The following AFF2 variants were observed in gnomAD, a reference collection of about 807,000 sequenced individuals.
The protein encoded by AFF2 is ALF transcription elongation factor 2.
Under a neutral mutation model 76.9 loss-of-function variants are expected in AFF2, and 14 were observed. The ratio of observed to expected loss-of-function variants is 0.18; its 90% CI spans 0.12 to 0.28. The LOEUF is 0.28. AFF2 is among the 10% of genes least tolerant of loss of function. The probability of loss-of-function intolerance (pLI) is 1.00; values close to 1 mark genes in which losing one functional copy is unlikely to be tolerated. For synonymous variants in AFF2, 398 were observed against 366.7 expected (o/e 1.09, Z -0.98); for missense variants, 868 against 1,001.1 (o/e 0.87, Z 1.79).
intron 3 of AFF2, among the ~76,000 whole-genome samples, chrX:148,697,871 T>G (rs2054739445): frequency 8.9e-6 from 1 of 112,211 alleles, no homozygotes; most frequent in Non-Finnish European, 1.9e-5. Flanking sequence ...ATAAATGATA[T>G]GACTATAGCT....
chrX:148,577,582 G>A (rs983886434), intron 1 of AFF2, among the ~76,000 whole-genome samples: 2 of 111,859 alleles, frequency 1.8e-5, no homozygotes, highest in Non-Finnish European at 3.8e-5. Flanking sequence ...GGGAAGCAAA[G>A]ATTTCTTTTT....
At position 148,500,631 on chromosome X, in the gene AFF2, A is replaced by AGCCGCCGCCGCC. The variant is rs1167407264; in HGVS notation, c.-462_-461insCGCCGCCGCCGC. On this transcript the variant is annotated 5_prime_UTR_variant, in exon 1 of 21. Coordinates refer to ENST00000370460, the MANE Select transcript of AFF2 (RefSeq NM_002025.4). ...CCGCGGCCGCCGCCGCCGCCTGTGCAGCCGCTGCCGCCGCCGCCGCCGCCG... is the reference window on the plus strand; with the variant it reads ...CCGCGGCCGCCGCCGCCGCCTGTGCAGCCGCCGCCGCCGCCGCTGCCGCCGCCGCCGCCGCCG... 27 of 62,504 alleles carry AGCCGCCGCCGCC rather than the reference A, an allele frequency of 4.3e-4. No homozygotes were observed. Among genetic ancestry groups the AGCCGCCGCCGCC allele is most frequent in the Admixed American group, 2.6e-3 (13 of 4,938 alleles). The allele number at this position is 62,504 out of a possible 1,213,427, so 5.2% of individuals were successfully genotyped here.
intron 6 of AFF2, 71 bp from the exon 7 acceptor site, chrX:148,843,311 T>C: frequency 1.1e-6 from 1 of 933,821 alleles, no homozygotes; most frequent in East Asian, 3.1e-5. Flanking sequence ...TGTTTGGAGA[T>C]CAATTTAATT....
In AFF2 at chrX:148,590,223, T is replaced by C. The variant is rs368902774; in HGVS notation, c.48-61776T>C. Reference sequence around the variant, plus strand: ...TGGCTCTCTGAGGAGCTGACAGCCATTGGCTGTTAGAAAAAACAAAATATG... The same window carrying C: ...TGGCTCTCTGAGGAGCTGACAGCCACTGGCTGTTAGAAAAAACAAAATATG... On this transcript the variant is annotated intron_variant, in intron 1 of 20. Coordinates refer to ENST00000370460, the MANE Select transcript of AFF2 (RefSeq NM_002025.4). 4.6e-5 allele frequency among the ~76,000 whole-genome samples: 5 copies of C among 109,273 alleles called. No individual in the cohort carries two copies. In the East Asian group the frequency reaches 8.7e-4, roughly 19 times the overall value. The allele number at this position is 109,273 out of a possible 115,157, so 94.9% of individuals were successfully genotyped here.
intron 9 of AFF2, among the ~76,000 whole-genome samples, chrX:148,924,216 A>C (rs1050529510): frequency 6.2e-5 from 7 of 112,285 alleles, no homozygotes; most frequent in Non-Finnish European, 1.1e-4. Context: ...CCTTTTTACT[A>C]TATGGACTTT....
intron 3 of AFF2, among the ~76,000 whole-genome samples, chrX:148,701,012 A>AGAGAATGTGTG (rs782232655): frequency 5.6e-4 from 41 of 73,729 alleles, no homozygotes; most frequent in African/African-American, 2.1e-3. Flanking sequence ...GAGAGAGAGA[A>AGAGAATGTGTG]TGTGTGTGTG....
intron 1 of AFF2, among the ~76,000 whole-genome samples, chrX:148,605,586 A>C (rs782406253): frequency 6.3e-5 from 7 of 111,711 alleles, no homozygotes; most frequent in African/African-American, 1.6e-4. Context: ...TGAGTCCGGC[A>C]CTGGGGCCAG....
Position 148,812,509 on chromosome X carries a change from C to T in AFF2, c.1086+2589C>T, listed in dbSNP as rs1038687840. ...TAGAAGCATGCGCTAGTTATTACCCCGCCCATCTCTCTACCCACCTCCAAT... is the reference window on the plus strand; with the variant it reads ...TAGAAGCATGCGCTAGTTATTACCCTGCCCATCTCTCTACCCACCTCCAAT... On this transcript the variant is annotated intron_variant, in intron 4 of 20. Transcript: ENST00000370460. Among the ~76,000 whole-genome samples the T allele has an allele frequency of 8.1e-5, 9 of 110,948 alleles. No homozygotes were observed. The East Asian group carries it at 8.6e-4, about 11-fold the overall frequency.
intron 1 of AFF2, among the ~76,000 whole-genome samples, chrX:148,637,443 G>A (rs1364470859): frequency 2.7e-5 from 3 of 112,000 alleles, no homozygotes; most frequent in African/African-American, 9.7e-5. Flanking sequence ...ATTGTCCTGA[G>A]GCACAGCACT....
At chrX:148,731,389 C>T (rs2055217672) in intron 3 of AFF2, among the ~76,000 whole-genome samples, 1 of 112,057 alleles carries the variant, frequency 8.9e-6, no homozygotes, top group Non-Finnish European at 1.9e-5. Flanking sequence ...ACTTTTTATA[C>T]TCCATCCCCA....
At position 148,998,796 on chromosome X, in the gene AFF2, G is replaced by T. The variant is rs782701844; in HGVS notation, c.*7464G>T. The T allele has an allele frequency of 1.9e-5, 2 of 104,708 alleles. No individual in the cohort carries two copies. The highest frequency in any genetic ancestry group is 3.9e-5 in the Non-Finnish European group (2 of 50,976). The allele number at this position is 104,708 out of a possible 1,213,427, so 8.6% of individuals were successfully genotyped here. A position where few individuals can be genotyped will look rare whatever the true frequency, so the allele number is the denominator to read the frequency against. On this transcript the variant is annotated 3_prime_UTR_variant, in exon 21 of 21. Transcript: ENST00000370460. The stretch of plus-strand genomic sequence containing the variant: ...TCCTTTTCCTTTTCCATTATTTTTC[G>T]ATGGGGGGGTTGTTATCATTGACTG...
chrX:148,540,962 A>G (rs1263252573), intron 1 of AFF2, among the ~76,000 whole-genome samples: 2 of 112,104 alleles, frequency 1.8e-5, no homozygotes, highest in African/African-American at 6.5e-5. Flanking sequence ...CGCGAGAAAA[A>G]ATAAATGTCT....
At chrX:148,539,853 C>T (rs1247007662) in intron 1 of AFF2, among the ~76,000 whole-genome samples, 2 of 111,023 alleles carry the variant, frequency 1.8e-5, no homozygotes, top group Non-Finnish European at 3.8e-5. Flanking sequence ...ATTTTCAGGT[C>T]AGTAGTGTTC....
At chrX:148,940,365 C>A (rs1162828453) in intron 9 of AFF2, among the ~76,000 whole-genome samples, 2 of 112,090 alleles carry the variant, frequency 1.8e-5, no homozygotes, top group African/African-American at 3.2e-5. Flanking sequence ...ATGATGTAAC[C>A]TTCAGAAAAT....
chrX:148,791,478 A>G (rs923195737), intron 3 of AFF2, among the ~76,000 whole-genome samples: 1 of 112,440 alleles, frequency 8.9e-6, no homozygotes, highest in African/African-American at 3.2e-5. Context: ...GGGAGCTACA[A>G]TTCAAGAAGA....
chrX:148,830,644 G>A (rs1557273240), intron 4 of AFF2, among the ~76,000 whole-genome samples: 1 of 111,711 alleles, frequency 9.0e-6, no homozygotes. Context: ...ATTTTCAAAA[G>A]AGGAGGGAGT....
intron 1 of AFF2, among the ~76,000 whole-genome samples, chrX:148,605,135 A>G (rs1298986477): frequency 8.9e-6 from 1 of 111,986 alleles, no homozygotes; most frequent in Admixed American, 9.5e-5. Flanking sequence ...TGAAAGGCAT[A>G]GAGAAAGTTA....
chrX:148,743,088 C>T (rs1388932324), intron 3 of AFF2, among the ~76,000 whole-genome samples: 1 of 112,063 alleles, frequency 8.9e-6, no homozygotes, highest in Non-Finnish European at 1.9e-5. Context: ...CTCACTTTCT[C>T]TCTCTAAAAC....
intron 3 of AFF2, among the ~76,000 whole-genome samples, chrX:148,664,814 G>T (rs1557258278): frequency 8.9e-6 from 1 of 112,444 alleles, no homozygotes; most frequent in African/African-American, 3.2e-5. Context: ...GTGAACAATT[G>T]CTAGGAAATC....
Sources: allele counts gnomAD v4.1 joint callset (sites outside exome capture counted in the v4.1 genomes callset), GRCh38; gene constraint gnomAD v4.1.1; transcripts MANE v1.5; gene names NCBI Gene and HGNC (gene_info 2026-07-23, HGNC 2026-07-21).